The following CTNNA2 variants were observed in gnomAD, a reference collection of about 807,000 sequenced individuals.
The protein encoded by CTNNA2 is catenin alpha 2.
A neutral mutation model predicts 101.0 loss-of-function variants in CTNNA2; 42 were observed. The observed-to-expected ratio is 0.42, with a 90% confidence interval of 0.32 to 0.54. CTNNA2 has a LOEUF of 0.54. Ranked by LOEUF, CTNNA2 falls within the 20% of genes least tolerant of loss-of-function variation. The pLI, the probability that CTNNA2 is intolerant of heterozygous loss-of-function variation, is 0.14. For missense variants in CTNNA2, 871 were observed against 1,223.1 expected, an observed-to-expected ratio of 0.71 and a Z score of 4.29; for synonymous variants, 450 against 456.4, an observed-to-expected ratio of 0.99 and a Z score of 0.18.
intron 9 of CTNNA2, among the ~76,000 whole-genome samples, chr2:80,471,259 T>A (rs1685282623): frequency 6.6e-6 from 1 of 152,214 alleles, no homozygotes; most frequent in African/African-American, 2.4e-5. Context: ...TGGTGATTGT[T>A]CTTATCCATG....
At chr2:79,264,738 T>A (rs1040776480) in intron 2 of CTNNA2, among the ~76,000 whole-genome samples, 1 of 152,268 alleles carries the variant, frequency 6.6e-6, no homozygotes, top group Middle Eastern at 3.4e-3. Context: ...AACCTATTTT[T>A]TTTTTTTAAA....
At chr2:80,118,430 T>C (rs571079650) in intron 7 of CTNNA2, among the ~76,000 whole-genome samples, 1 of 152,338 alleles carries the variant, frequency 6.6e-6, no homozygotes, top group South Asian at 2.1e-4. Context: ...AGAAACTTTA[T>C]GAATCAGCCT....
At chr2:80,545,383 C>T (rs1403320731) in intron 10 of CTNNA2, among the ~76,000 whole-genome samples, 1 of 151,492 alleles carries the variant, frequency 6.6e-6, no homozygotes, top group Non-Finnish European at 1.5e-5. Flanking sequence ...TCCATCTCTA[C>T]AAAAAAATAA....
chr2:79,418,950 A>T (rs369614834), intron 4 of CTNNA2, among the ~76,000 whole-genome samples: 2 of 152,166 alleles, frequency 1.3e-5, no homozygotes, highest in Non-Finnish European at 2.9e-5. Flanking sequence ...CATTAATGGC[A>T]CAATTAGCAC....
intron 9 of CTNNA2, among the ~76,000 whole-genome samples, chr2:80,490,341 C>T (rs906062017): frequency 7.9e-6 from 1 of 127,228 alleles, no homozygotes; most frequent in Non-Finnish European, 1.5e-5. Flanking sequence ...CATACAGTTT[C>T]TGGTCTCTAA....
chr2:80,133,306 G>C (rs1023260254), intron 7 of CTNNA2, among the ~76,000 whole-genome samples: 10 of 152,082 alleles, frequency 6.6e-5, no homozygotes, highest in Non-Finnish European at 1.5e-4. Flanking sequence ...CAACAACTTG[G>C]TTTCAGATTT....
intron 2 of CTNNA2, among the ~76,000 whole-genome samples, chr2:79,663,785 A>G (rs1682207176): frequency 1.3e-5 from 2 of 152,342 alleles, no homozygotes; most frequent in East Asian, 3.9e-4. Flanking sequence ...AGTCTCATGT[A>G]GATAGAAATG....
intron 2 of CTNNA2, among the ~76,000 whole-genome samples, chr2:79,660,362 A>AC: frequency 6.6e-6 from 1 of 150,928 alleles, no homozygotes; most frequent in African/African-American, 2.4e-5. Context: ...ATGTATACTA[A>AC]ATACATACAC....
intron 1 of CTNNA2, among the ~76,000 whole-genome samples, chr2:79,576,619 G>A (rs941326183): frequency 2.6e-5 from 4 of 152,086 alleles, no homozygotes; most frequent in African/African-American, 7.2e-5. Context: ...TTTATGGGGC[G>A]TGTGGGGTGT....
chr2:79,762,604 A>G (rs1365089933), intron 3 of CTNNA2, among the ~76,000 whole-genome samples: 1 of 152,184 alleles, frequency 6.6e-6, no homozygotes, highest in South Asian at 2.1e-4. Context: ...AAGATAATTT[A>G]TCTACTTCTT....
intron 2 of CTNNA2, among the ~76,000 whole-genome samples, chr2:79,219,361 T>G (rs1235281858): frequency 6.6e-6 from 1 of 152,172 alleles, no homozygotes; most frequent in Non-Finnish European, 1.5e-5. Flanking sequence ...TGGAAATGTT[T>G]TATTTCGCAC....
chr2:79,792,700 A>T (rs998605108), intron 3 of CTNNA2, among the ~76,000 whole-genome samples: 1 of 152,150 alleles, frequency 6.6e-6, no homozygotes, highest in Non-Finnish European at 1.5e-5. Context: ...TGAACATTTC[A>T]TGGTTTTGTG....
At chr2:80,447,945 A>C (rs1206995292) in intron 9 of CTNNA2, among the ~76,000 whole-genome samples, 1 of 152,208 alleles carries the variant, frequency 6.6e-6, no homozygotes, top group African/African-American at 2.4e-5. Flanking sequence ...ACCTTTTTGA[A>C]AGAAGAACTA....
chr2:79,630,385 A>G (rs191627146), intron 1 of CTNNA2, among the ~76,000 whole-genome samples: 1 of 152,372 alleles, frequency 6.6e-6, no homozygotes, highest in East Asian at 1.9e-4. Flanking sequence ...GGAGACCATC[A>G]GAGAATTGGG....
chr2:80,329,893 C>A (rs1671167281), intron 7 of CTNNA2, among the ~76,000 whole-genome samples: 1 of 152,218 alleles, frequency 6.6e-6, no homozygotes. Flanking sequence ...ACTTTTCAAT[C>A]TTCTTGTTAA....
chr2:79,340,791 G>A (rs1176667122), intron 3 of CTNNA2, among the ~76,000 whole-genome samples: 7 of 123,418 alleles, frequency 5.7e-5, no homozygotes, highest in Admixed American at 1.1e-4. Flanking sequence ...CGGAGATCGC[G>A]CCACTGCACT....
chr2:80,411,787 C>T (rs1679594641), intron 8 of CTNNA2, among the ~76,000 whole-genome samples: 1 of 152,020 alleles, frequency 6.6e-6, no homozygotes, highest in South Asian at 2.1e-4. Flanking sequence ...AGTCTCCTCA[C>T]CTATAAAAGG....
chr2:79,530,664 A>G (rs1672682439), intron 1 of CTNNA2, among the ~76,000 whole-genome samples: 1 of 152,188 alleles, frequency 6.6e-6, no homozygotes, highest in African/African-American at 2.4e-5. Context: ...AGTGGATCTC[A>G]CTTGATCTTT....
At chr2:80,430,011 A>C (rs1326677308) in intron 9 of CTNNA2, among the ~76,000 whole-genome samples, 1 of 152,206 alleles carries the variant, frequency 6.6e-6, no homozygotes, top group African/African-American at 2.4e-5. Flanking sequence ...TTATGAAATC[A>C]ATTTTTTTCA....
Sources: allele counts gnomAD v4.1 joint callset (sites outside exome capture counted in the v4.1 genomes callset), GRCh38; gene constraint gnomAD v4.1.1; transcripts MANE v1.5; gene names NCBI Gene and HGNC (gene_info 2026-07-23, HGNC 2026-07-21).